Variants in TRIM32 observed in about 807,000 individuals in gnomAD.
TRIM32 encodes the protein tripartite motif containing 32.
A neutral mutation model predicts 36.0 loss-of-function variants in TRIM32; 19 were observed. The observed-to-expected ratio is 0.53, with a 90% CI of 0.37 to 0.77. The LOEUF is 0.77. Among genes scored for constraint, TRIM32 ranks in the 30% least tolerant of loss-of-function variants. TRIM32 has a pLI of 0.00. For synonymous variants in TRIM32, 309 were observed against 318.5 expected, an observed-to-expected ratio of 0.97 and a Z score of 0.32; for missense variants, 747 against 845.2, an observed-to-expected ratio of 0.88 and a Z score of 1.44.
At chr9:116,690,704 C>T (rs911108197) in intron 1 of TRIM32, among the ~76,000 whole-genome samples, 4 of 152,076 alleles carry the variant, frequency 2.6e-5, no homozygotes, top group African/African-American at 9.7e-5. Flanking sequence ...GGATTTGAAT[C>T]CTTGCTCTAT....
At position 116,699,033 on chromosome 9, in the gene TRIM32, CCT is replaced by C; in HGVS notation, c.1297_1298del (p.Val434GlyfsTer12). 1 of 1,614,182 alleles carries C rather than the reference CCT, an allele frequency of 6.2e-7. No homozygotes were observed. The highest frequency in any genetic ancestry group is 1.6e-4 in the Middle Eastern group (1 of 6,062). ...TGGGGCAGATCTACCCAACCTCACT[CCT>C]CTCTCAGTGGCAATGAACTGCCAGG... is the stretch of plus-strand genomic sequence containing the variant. ...FLGADLPNLT[P>X]LSVAMNCQGL... On this transcript the variant is annotated frameshift_variant, in exon 2 of 2. Transcript: ENST00000450136. LOFTEE classifies it high-confidence loss of function. The surrounding 1 kb of genome is among the most constrained non-coding windows in gnomAD (Gnocchi z 4.2).
At chr9:116,696,027 C>G (rs1425658869) in intron 1 of TRIM32, among the ~76,000 whole-genome samples, 1 of 152,122 alleles carries the variant, frequency 6.6e-6, no homozygotes, top group Admixed American at 6.6e-5. Context: ...CTTTCCATTT[C>G]CACCACCTGC....
At position 116,698,164 on chromosome 9, in the gene TRIM32, C is replaced by A. The variant is rs930137730; in HGVS notation, c.422C>A (p.Ala141Glu). The A allele has an allele frequency of 5.6e-6, 9 of 1,614,152 alleles. No individual in the cohort carries two copies. The highest frequency in any genetic ancestry group is 4.5e-5 in the East Asian group (2 of 44,860). ...CACTGTACACTCCCTGTCAAAGAAG[C>A]AGCTGAGGAGCGGCGTCGGGACTTT... ...PGHCTLPVKE[A>E]AEERRRDFGE... Residue 141 changes from alanine (A) to glutamate (E), a missense_variant, in exon 2 of 2, where the codon GCA becomes GAA. Physicochemically the swap from Ala to Glu is moderately radical, Grantham distance 107. Coordinates refer to ENST00000450136, the MANE Select transcript of TRIM32 (RefSeq NM_012210.4). The surrounding 1 kb of genome is among the most constrained non-coding windows in gnomAD (Gnocchi z 4.4).
intron 1 of TRIM32, among the ~76,000 whole-genome samples, chr9:116,694,459 C>CTT (rs56666915): frequency 8.0e-5 from 7 of 88,042 alleles, no homozygotes; most frequent in Admixed American, 1.6e-4. Context: ...TGTAATTTCT[C>CTT]TTTTTTTTTT....
chr9:116,695,465 T>G (rs1392038612), intron 1 of TRIM32, among the ~76,000 whole-genome samples: 1 of 152,228 alleles, frequency 6.6e-6, no homozygotes, highest in Admixed American at 6.5e-5. Context: ...AAAGCTAATA[T>G]GGTAGAAATT....
In TRIM32 at chr9:116,699,471, T is replaced by C; in HGVS notation, c.1729T>C (p.Cys577Arg). Residue 577 changes from cysteine (C) to arginine (R), a missense_variant, in exon 2 of 2, where the codon TGC becomes CGC. Coordinates refer to ENST00000450136, the MANE Select transcript of TRIM32 (RefSeq NM_012210.4). This position sits in a 1 kb window ranked among gnomAD's most constrained non-coding sequence, Gnocchi z 4.2. ...HFFSENEDFR[C>R]IAGMCVDARG... ...CTTCTCGGAGAATGAGGATTTCCGC[T>C]GCATTGCTGGCATGTGTGTGGATGC... 6.2e-7 allele frequency: 1 copy of C among 1,614,216 alleles called. No homozygotes were observed. The highest frequency in any genetic ancestry group is 8.5e-7 in the Non-Finnish European group (1 of 1,180,036).
At position 116,694,232 on chromosome 9, in the gene TRIM32, T is replaced by A. The variant is rs113347165; in HGVS notation, c.-81-3430T>A. Among the ~76,000 whole-genome samples the A allele has an allele frequency of 4.9e-3, 750 of 152,232 alleles. 5 individuals are homozygous for A. The highest frequency in any genetic ancestry group is 0.017 in the African/African-American group (726 of 41,536). ...GGAGGGATATGATATTCCAGAAAGC[T>A]TGGGAAATAATTTGCTGCTATTTTT... is the stretch of plus-strand genomic sequence containing the variant. On this transcript the variant is annotated intron_variant, in intron 1 of 1. Transcript: ENST00000450136.
chr9:116,693,263 G>A (rs932529300), intron 1 of TRIM32, among the ~76,000 whole-genome samples: 1 of 152,148 alleles, frequency 6.6e-6, no homozygotes, highest in Non-Finnish European at 1.5e-5. Flanking sequence ...GGTTTAGACA[G>A]GTTAAATAAA....
chr9:116,697,556 A>G, intron 1 of TRIM32, 106 bp from the exon 2 acceptor site: 1 of 731,414 alleles, frequency 1.4e-6, no homozygotes, highest in Middle Eastern at 4.0e-4. Flanking sequence ...GTTGTTAAGT[A>G]AGGGAATGAC....
chr9:116,689,499 AG>A (rs1860456202), intron 1 of TRIM32, among the ~76,000 whole-genome samples: 1 of 152,154 alleles, frequency 6.6e-6, no homozygotes, highest in African/African-American at 2.4e-5. Context: ...TTTACACATG[AG>A]GAAACTAAGG....
intron 1 of TRIM32, among the ~76,000 whole-genome samples, chr9:116,696,066 G>A (rs558962253): frequency 3.3e-5 from 5 of 152,002 alleles, no homozygotes; most frequent in South Asian, 2.1e-4. Context: ...CATTATCCCC[G>A]TCTTCTCTGA....
Position 116,698,331 on chromosome 9 carries a change from G to A in TRIM32, c.589G>A (p.Asp197Asn), listed in dbSNP as rs1367241978. ...TGGGCATGAGGAGCGCAGGGTCCAG[G>A]ATGAGCTGGCTCGCTCTCGGAAGTT... is the stretch of plus-strand genomic sequence containing the variant. The part of the protein sequence containing the change: ...EYGHEERRVQ[D>N]ELARSRKFFT... The change falls in exon 2 of 2, where the codon GAT becomes AAT. Residue 197 changes from aspartate (D) to asparagine (N), a missense_variant. By Grantham distance (23) the Asp-to-Asn change is conservative. Transcript: ENST00000450136. The surrounding 1 kb of genome is among the most constrained non-coding windows in gnomAD (Gnocchi z 4.4). The A allele has an allele frequency of 1.9e-6, 3 of 1,614,176 alleles. No individual in the cohort carries two copies. Among genetic ancestry groups the A allele is most frequent in the Non-Finnish European group, 2.5e-6 (3 of 1,180,048 alleles).
intron 1 of TRIM32, among the ~76,000 whole-genome samples, 153 bp downstream of exon 1, chr9:116,687,534 T>A (rs1047578564): frequency 1.2e-4 from 1 of 8,256 alleles, no homozygotes; most frequent in Non-Finnish European, 2.6e-4. Flanking sequence ...AGGACTAGGG[T>A]GGGGGTGGGG....
rs768228994 is a variant in TRIM32, at chr9:116,697,836, C to A, written c.94C>A (p.Leu32Met). 3 of 1,614,074 alleles carry A rather than the reference C, an allele frequency of 1.9e-6. No homozygotes were observed. The stretch of plus-strand genomic sequence containing the variant: ...CATGGAGTCCTTCACAGAAGAGCAG[C>A]TGCGTCCCAAGCTTCTGCACTGTGG... The part of the protein sequence containing the change: ...ICMESFTEEQ[L>M]RPKLLHCGHT... Residue 32 changes from leucine to methionine, a missense_variant, in exon 2 of 2, where the codon CTG becomes ATG. Coordinates refer to ENST00000450136, the MANE Select transcript of TRIM32 (RefSeq NM_012210.4).
intron 1 of TRIM32, among the ~76,000 whole-genome samples, chr9:116,695,923 CTT>C (rs1177027604): frequency 6.6e-6 from 1 of 152,166 alleles, no homozygotes; most frequent in Non-Finnish European, 1.5e-5. Flanking sequence ...AGGCTTGAGT[CTT>C]TGGCTATCTC....
chr9:116,691,315 C>G (rs756704681), intron 1 of TRIM32, among the ~76,000 whole-genome samples: 2 of 152,108 alleles, frequency 1.3e-5, no homozygotes, highest in Non-Finnish European at 2.9e-5. Flanking sequence ...GTTGGAGGTC[C>G]CTGAGAAGGG....
chr9:116,688,658 G>T (rs1035891998), intron 1 of TRIM32, among the ~76,000 whole-genome samples: 2 of 152,186 alleles, frequency 1.3e-5, no homozygotes, highest in African/African-American at 2.4e-5. Flanking sequence ...ACTGAAAGTG[G>T]TAGGCTTTGG....
rs1206247561 is a variant in TRIM32, at chr9:116,698,363, A to G, written c.621A>G (p.Thr207=). ...TGGCTCGCTCTCGGAAGTTCTTCAC[A>G]GGCTCTTTGGCTGAAGTTGAGAAGT... ...DELARSRKFF[T]GSLAEVEKSN... Residue 207 remains threonine, a synonymous_variant, in exon 2 of 2, where the codon ACA becomes ACG. Coordinates refer to ENST00000450136, the MANE Select transcript of TRIM32 (RefSeq NM_012210.4). The surrounding 1 kb of genome is among the most constrained non-coding windows in gnomAD (Gnocchi z 4.4). The G allele has an allele frequency of 1.2e-6, 2 of 1,614,146 alleles. No homozygotes were observed. Among genetic ancestry groups the G allele is most frequent in the East Asian group, 2.2e-5 (1 of 44,876 alleles).
chr9:116,687,346 G>A lies in TRIM32; in HGVS notation c.-117G>A, dbSNP rs920222938. 2 of 864,948 alleles carry A rather than the reference G, an allele frequency of 2.3e-6. No homozygotes were observed. Among genetic ancestry groups the A allele is most frequent in the African/African-American group, 1.8e-5 (1 of 54,372 alleles). 53.6% of individuals were successfully genotyped at this position (864,948 alleles called of 1,614,324 possible). On this transcript the variant is annotated 5_prime_UTR_variant, in exon 1 of 2. Transcript: ENST00000450136. Reference sequence around the variant, plus strand: ...GCAGAGGGAGGCAGGCGGGTGGGCTGCCGGCGGTGGACTCGTCGGAGCCGC... The same window carrying A: ...GCAGAGGGAGGCAGGCGGGTGGGCTACCGGCGGTGGACTCGTCGGAGCCGC...
Sources: allele counts gnomAD v4.1 joint callset (sites outside exome capture counted in the v4.1 genomes callset), GRCh38; gene constraint gnomAD v4.1.1; non-coding constraint Gnocchi (gnomAD v3.1); transcripts MANE v1.5; gene names NCBI Gene and HGNC (gene_info 2026-07-23, HGNC 2026-07-21).